Variants in TASOR observed in about 807,000 individuals in gnomAD.
TASOR encodes the protein transcription activation suppressor, also known as protein TASOR.
Under a neutral mutation model 178.6 loss-of-function variants are expected in TASOR, and 53 were observed. That is an observed-to-expected ratio of 0.30 (90% CI 0.24 to 0.37). TASOR has a LOEUF of 0.37. Ranked by LOEUF, TASOR falls within the 10% of genes least tolerant of loss-of-function variation. TASOR has a pLI of 1.00. For synonymous variants in TASOR, 713 were observed against 696.2 expected (o/e 1.02, Z -0.38); for missense variants, 1,815 against 1,971.4 (o/e 0.92, Z 1.50).
At chr3:56,630,930 G>A (rs2076898851) in intron 18 of TASOR, among the ~76,000 whole-genome samples, 1 of 144,982 alleles carries the variant, frequency 6.9e-6, no homozygotes. Flanking sequence ...TGGGGGGTGG[G>A]GGGTGCGGGG....
chr3:56,671,303 C>T (rs10866000), intron 3 of TASOR: 64,478 of 208,456 alleles, frequency 0.31, 10,603 homozygotes, highest in East Asian at 0.49. Flanking sequence ...CACGCCACTG[C>T]ACTCCAGCCT....
At chr3:56,645,886 C>T (rs993064592) in intron 14 of TASOR, among the ~76,000 whole-genome samples, 5 of 152,194 alleles carry the variant, frequency 3.3e-5, no homozygotes, top group Non-Finnish European at 7.3e-5. Flanking sequence ...TGGTGGCTCA[C>T]GCCTGTAATC....
rs1213757294 is a variant in TASOR at position 56,683,015 on chromosome 3, C to T, written c.-9G>A. 2 of 1,529,914 alleles carry T rather than the reference C, an allele frequency of 1.3e-6. No individual in the cohort carries two copies. Among genetic ancestry groups the T allele is most frequent in the African/African-American group, 2.8e-5 (2 of 72,170 alleles). 94.8% of individuals were successfully genotyped at this position (1,529,914 alleles called of 1,614,324 possible). ...TCCACAGCAGTCGCCATCGCGCCGG[C>T]CTAAGGAGCTCTGGGAAGCTTCTGC... On this transcript the variant is annotated 5_prime_UTR_variant, in exon 1 of 24. Transcript: ENST00000683822.
At chr3:56,661,111 T>C (rs562629253) in intron 9 of TASOR, 94 bp from the exon 10 acceptor site, 52 of 723,260 alleles carry the variant, frequency 7.2e-5, no homozygotes, top group Middle Eastern at 7.9e-4. Context: ...TGATGGAAAA[T>C]AGAAGAGCAT....
Position 56,649,025 on chromosome 3 carries a change from G to A in TASOR, c.1401C>T (p.Tyr467=). 6.2e-7 allele frequency: 1 copy of A among 1,609,260 alleles called. No homozygotes were observed. The highest frequency in any genetic ancestry group is 8.5e-7 in the Non-Finnish European group (1 of 1,178,598). The change falls in exon 12 of 24, where the codon TAC becomes TAT. Residue 467 remains tyrosine (Y), a synonymous_variant. Transcript: ENST00000683822. ...TCTGATAAGGGGAGAGAAGAAAAAG[G>A]TATCCTCGGTCTCCCAAAGGTTTAA... is the stretch of plus-strand genomic sequence containing the variant. The part of the protein sequence containing the change: ...VLVKPLGDRG[Y]LFLLSPYQMV...
At chr3:56,629,936 A>G (rs546487346) in intron 18 of TASOR, among the ~76,000 whole-genome samples, 44 of 151,902 alleles carry the variant, frequency 2.9e-4, no homozygotes, top group African/African-American at 1.1e-3. Context: ...AGTTAATGAA[A>G]AGGTAAATTA....
chr3:56,661,097 C>T (rs2077583944), intron 9 of TASOR, 80 bp from the exon 10 acceptor site: 7 of 827,746 alleles, frequency 8.5e-6, no homozygotes, highest in South Asian at 6.5e-5. Flanking sequence ...CAAAAAAGTA[C>T]ACTTGATGGA....
Position 56,624,898 on chromosome 3 carries a change from A to C in TASOR, c.4248T>G (p.Ala1416=). ...YHNCDSQTRN[A]PELDCLIRLQ... The stretch of plus-strand genomic sequence containing the variant: ...GTCTGATAAGGCAATCCAATTCTGG[A>C]GCATTTCGAGTTTGTGAATCACAAT... Residue 1416 remains alanine (A), a synonymous_variant, in exon 22 of 24, where the codon GCT becomes GCG. Transcript: ENST00000683822. The C allele has an allele frequency of 6.2e-7, 1 of 1,614,176 alleles. No homozygotes were observed. The highest frequency in any genetic ancestry group is 2.2e-5 in the East Asian group (1 of 44,874).
At chr3:56,672,588 T>TA (rs2030847770) in intron 2 of TASOR, among the ~76,000 whole-genome samples, 1 of 152,242 alleles carries the variant, frequency 6.6e-6, no homozygotes, top group Non-Finnish European at 1.5e-5. Flanking sequence ...ACATGAAACT[T>TA]AAGTTCACTG....
intron 7 of TASOR, among the ~76,000 whole-genome samples, chr3:56,665,871 C>G (rs77143950): frequency 0.17 from 26,259 of 151,926 alleles, 2,923 homozygotes; most frequent in South Asian, 0.4. Flanking sequence ...ACTCGGGAGG[C>G]TGAGGCAGAA....
In TASOR at chr3:56,683,119, T is replaced by G. The variant is rs1292714275; in HGVS notation, c.-113A>C. 11 of 1,205,340 alleles carry G rather than the reference T, an allele frequency of 9.1e-6. No homozygotes were observed. Among genetic ancestry groups the G allele is most frequent in the East Asian group, 5.3e-5 (2 of 37,444 alleles). 74.7% of individuals were successfully genotyped at this position (1,205,340 alleles called of 1,614,324 possible). On this transcript the variant is annotated 5_prime_UTR_variant, in exon 1 of 24. Coordinates refer to ENST00000683822, the MANE Select transcript of TASOR (RefSeq NM_001365635.2). ...AGCTGCTCTCAGCCCACCCACCCCC[T>G]TCCCCCCGTGGCCTCAGGCTGCGCT...
intron 17 of TASOR, among the ~76,000 whole-genome samples, chr3:56,636,429 A>G (rs1461803446): frequency 1.3e-5 from 2 of 151,946 alleles, no homozygotes; most frequent in Non-Finnish European, 2.9e-5. Context: ...TTGTTGAGAC[A>G]GAGACTCGCT....
At position 56,660,812 on chromosome 3, in the gene TASOR, G is replaced by A. The variant is rs370025699; in HGVS notation, c.1287C>T (p.Cys429=). ...TCTTTTCCACAACTTCATAAAGGCT[G>A]CAATACATTCCATTCTTCAAAACTG... ...PNEVLKNGMY[C]SLYEVVEKTR... Residue 429 remains cysteine (C), a synonymous_variant, in exon 11 of 24, where the codon TGC becomes TGT. Transcript: ENST00000683822. 1.9e-5 allele frequency: 30 copies of A among 1,613,614 alleles called. No homozygotes were observed. Among genetic ancestry groups the A allele is most frequent in the Non-Finnish European group, 2.2e-5 (26 of 1,179,926 alleles).
In TASOR at chr3:56,623,316, G is replaced by A. The variant is rs1184632352; in HGVS notation, c.4734C>T (p.Cys1578=). ...TTGAATTGCTGTTCTCTCCTTCAGA[G>A]CATACTATATCAATAGAAGTTCTCT... is the stretch of plus-strand genomic sequence containing the variant. ...SEERTSIDIV[C]SEGENSNSTE... The change falls in exon 24 of 24, where the codon TGC becomes TGT. Residue 1578 remains cysteine, a synonymous_variant. Coordinates refer to ENST00000683822, the MANE Select transcript of TASOR (RefSeq NM_001365635.2). The A allele has an allele frequency of 6.2e-7, 1 of 1,613,400 alleles. No homozygotes were observed. Among genetic ancestry groups the A allele is most frequent in the South Asian group, 1.1e-5 (1 of 91,076 alleles).
At chr3:56,665,764 G>C (rs138054152) in intron 7 of TASOR, among the ~76,000 whole-genome samples, 8 of 152,036 alleles carry the variant, frequency 5.3e-5, no homozygotes, top group African/African-American at 1.9e-4. Context: ...GAGGTCAGGA[G>C]ATCAAGACCA....
In TASOR at chr3:56,633,613, G is replaced by A. The variant is rs543913507; in HGVS notation, c.3178C>T (p.Arg1060Trp). Residue 1060 changes from arginine to tryptophan, a missense_variant, in exon 18 of 24, where the codon CGG (arginine) becomes TGG (tryptophan). Arg to Trp is a moderately radical substitution (Grantham distance 101). This residue lies in a region of TASOR where 655 missense variants were observed against 671.1 expected (regional missense o/e 0.98). Transcript: ENST00000683822. ...TTAGAATATATGAACTCGGAAAGCC[G>A]TTTCATCTTCTCTTGTGTTGAAAAG... ...PIFSTQEKMKRLSEFIYSKTS... is the reference protein window; with the variant it reads ...PIFSTQEKMKWLSEFIYSKTS... 1.3e-5 allele frequency: 21 copies of A among 1,613,918 alleles called. No individual in the cohort carries two copies. Among genetic ancestry groups the A allele is most frequent in the African/African-American group, 2.7e-5 (2 of 75,002 alleles).
chr3:56,667,930 C>G (rs1417489851), intron 6 of TASOR, among the ~76,000 whole-genome samples: 2 of 152,148 alleles, frequency 1.3e-5, no homozygotes, highest in Admixed American at 1.3e-4. Flanking sequence ...AGGTTTGCAT[C>G]TTTAAAAATG....
chr3:56,661,971 CA>C (rs5849160), intron 9 of TASOR, among the ~76,000 whole-genome samples: 1 of 149,970 alleles, frequency 6.7e-6, no homozygotes, highest in Non-Finnish European at 1.5e-5. Flanking sequence ...ACTAAAAATA[CA>C]AAAAAAAATT....
chr3:56,621,655 C>A lies in TASOR; in HGVS notation c.*1382G>T. The stretch of plus-strand genomic sequence containing the variant: ...CAAATCCTTCACATTTGATTTGTGT[C>A]TTCCAAATTATAAAATGTGCTCACT... On this transcript the variant is annotated 3_prime_UTR_variant, in exon 24 of 24. Coordinates refer to ENST00000683822, the MANE Select transcript of TASOR (RefSeq NM_001365635.2). 3 of 1,414,336 alleles carry A rather than the reference C, an allele frequency of 2.1e-6. No individual in the cohort carries two copies. Among genetic ancestry groups the A allele is most frequent in the South Asian group, 2.5e-5 (2 of 80,818 alleles). 87.6% of individuals were successfully genotyped at this position (1,414,336 alleles called of 1,614,324 possible). A position where few individuals can be genotyped will look rare whatever the true frequency, so the allele number is the denominator to read the frequency against.
Sources: gnomAD v4.1 joint callset for allele counts (sites outside exome capture counted in the v4.1 genomes callset) on GRCh38, gnomAD v4.1.1 for gene constraint, gnomAD v4.1.1 regional missense constraint, MANE v1.5 for transcripts, NCBI Gene and HGNC (gene_info 2026-07-23, HGNC 2026-07-21) for gene names.